FLT3: variants seen among roughly 807,000 people sequenced by gnomAD.
FLT3 encodes receptor-type tyrosine-protein kinase FLT3.
In FLT3, 46 loss-of-function variants were observed where a neutral mutation model predicts 126.6. The observed-to-expected ratio is 0.36, with a 90% CI of 0.29 to 0.46. The LOEUF (loss-of-function observed/expected upper bound fraction) is 0.46, where lower values mean the gene tolerates loss of function less well. FLT3 is among the 20% of genes least tolerant of loss of function. The pLI, the probability that FLT3 is intolerant of heterozygous loss-of-function variation, is 1.00. For missense variants in FLT3, 1,069 were observed against 1,190.3 expected (o/e 0.90, Z 1.50); for synonymous variants, 404 against 434.4 (o/e 0.93, Z 0.87).
intron 1 of FLT3, among the ~76,000 whole-genome samples, chr13:28,090,559 C>T (rs9554250): frequency 0.49 from 74,840 of 151,836 alleles, 19,565 homozygotes; most frequent in East Asian, 0.66. Flanking sequence ...AGGAGGATCA[C>T]TTGAGCTCAG....
At position 28,049,282 on chromosome 13, in the gene FLT3, T is replaced by C. The variant is rs2282311; in HGVS notation, c.1036+102A>G. 4.6e-4 allele frequency: 473 copies of C among 1,038,522 alleles called. 1 individual carries two copies. In the East Asian group the frequency reaches 9.3e-3, roughly 20 times the overall value. The allele number at this position is 1,038,522 out of a possible 1,614,324, so 64.3% of individuals were successfully genotyped here. Reference sequence around the variant, plus strand: ...ACTCAGTTTCTTTCTTAGTGTTTGATAGTAGCATTATATTGAAATCAGAAT... The same window carrying C: ...ACTCAGTTTCTTTCTTAGTGTTTGACAGTAGCATTATATTGAAATCAGAAT... On this transcript the variant is annotated intron_variant, in intron 8 of 23. Coordinates refer to ENST00000241453, the MANE Select transcript of FLT3 (RefSeq NM_004119.3).
chr13:28,049,421 T>A lies in FLT3; in HGVS notation c.999A>T (p.Ser333=). The part of the protein sequence containing the change: ...NDTGYYTCSS[S]KHPSQSALVT... ...CCAAAGCTGATTGACTGGGATGCTT[T>A]GAAGAGGAACAAGTGTAGTATCCGG... The change falls in exon 8 of 24, where the codon TCA becomes TCT. Residue 333 remains serine (S), a synonymous_variant. Coordinates refer to ENST00000241453, the MANE Select transcript of FLT3 (RefSeq NM_004119.3). 1 of 1,614,090 alleles carries A rather than the reference T, an allele frequency of 6.2e-7. No individual in the cohort carries two copies. The highest frequency in any genetic ancestry group is 2.2e-5 in the East Asian group (1 of 44,886).
intron 19 of FLT3, among the ~76,000 whole-genome samples, chr13:28,020,735 G>A (rs1872311925): frequency 6.6e-6 from 1 of 152,068 alleles, no homozygotes; most frequent in Non-Finnish European, 1.5e-5. Flanking sequence ...TATCATAACT[G>A]ACTCTGTATC....
intron 18 of FLT3, among the ~76,000 whole-genome samples, 197 bp from the exon 19 acceptor site, chr13:28,023,674 G>C (rs879862248): frequency 6.6e-6 from 1 of 152,200 alleles, no homozygotes; most frequent in African/African-American, 2.4e-5. Flanking sequence ...TTTGGTTAGA[G>C]ATAAACTTTG....
intron 23 of FLT3, among the ~76,000 whole-genome samples, chr13:28,012,743 TG>T (rs1340341057): frequency 6.6e-6 from 1 of 152,034 alleles, no homozygotes; most frequent in Non-Finnish European, 1.5e-5. Flanking sequence ...GAGAACAGCC[TG>T]GGCAACATAG....
chr13:28,063,435 C>T (rs2137771741), intron 2 of FLT3, among the ~76,000 whole-genome samples: 1 of 152,210 alleles, frequency 6.6e-6, no homozygotes, highest in Admixed American at 6.5e-5. Context: ...AGCCTAGATC[C>T]CGCCAATGCA....
intron 23 of FLT3, among the ~76,000 whole-genome samples, chr13:28,012,424 T>TC (rs1566055649): frequency 1.3e-5 from 2 of 152,088 alleles, no homozygotes; most frequent in Admixed American, 1.3e-4. Flanking sequence ...CACTTTTTTT[T>TC]CCCTCTCTAC....
chr13:28,060,751 C>T (rs886136228), intron 3 of FLT3, among the ~76,000 whole-genome samples: 9 of 151,856 alleles, frequency 5.9e-5, no homozygotes, highest in African/African-American at 1.9e-4. Context: ...ATTACAGGCC[C>T]GCACCACTAT....
At chr13:28,032,541 T>C (rs1873438787) in intron 15 of FLT3, among the ~76,000 whole-genome samples, 1 of 152,036 alleles carries the variant, frequency 6.6e-6, no homozygotes, top group Non-Finnish European at 1.5e-5. Context: ...GCCTGGGAAG[T>C]GGAGGTTGCA....
intron 23 of FLT3, among the ~76,000 whole-genome samples, chr13:28,011,086 C>G (rs376530872): frequency 3.3e-5 from 5 of 151,548 alleles, no homozygotes; most frequent in African/African-American, 1.2e-4. Context: ...CTGAGGTGGG[C>G]GGATCATGAG....
chr13:28,037,826 G>C (rs972640904), intron 9 of FLT3, among the ~76,000 whole-genome samples: 2 of 152,156 alleles, frequency 1.3e-5, no homozygotes, highest in Admixed American at 6.5e-5. Flanking sequence ...GATCAGCAGA[G>C]GGATTAGATT....
At chr13:28,021,226 A>C (rs1872355837) in intron 19 of FLT3, among the ~76,000 whole-genome samples, 1 of 152,094 alleles carries the variant, frequency 6.6e-6, no homozygotes, top group Non-Finnish European at 1.5e-5. Flanking sequence ...TTATCCCTAC[A>C]AAAATACAAA....
intron 1 of FLT3, among the ~76,000 whole-genome samples, chr13:28,072,722 G>A (rs1432839222): frequency 1.3e-5 from 2 of 152,248 alleles, no homozygotes; most frequent in East Asian, 1.9e-4. Context: ...ACAAATATGC[G>A]GCCGGGCGTG....
intron 23 of FLT3, among the ~76,000 whole-genome samples, chr13:28,014,132 C>T (rs1481002708): frequency 6.6e-6 from 1 of 151,952 alleles, no homozygotes; most frequent in Non-Finnish European, 1.5e-5. Context: ...CTTAGCCTGG[C>T]GTGGTGCTGC....
chr13:28,087,806 A>T (rs564956653), intron 1 of FLT3, among the ~76,000 whole-genome samples: 49 of 152,272 alleles, frequency 3.2e-4, no homozygotes, highest in Non-Finnish European at 5.7e-4. Context: ...ATCTGGTACT[A>T]ATTCTCTCCA....
intron 1 of FLT3, among the ~76,000 whole-genome samples, chr13:28,073,801 G>A (rs1877732542): frequency 6.6e-6 from 1 of 151,844 alleles, no homozygotes. Flanking sequence ...TTAGCCAAGT[G>A]TGGTGGCACG....
rs367564787 is a variant in FLT3, at chr13:28,023,205, G to A, written c.2418+145C>T. ...GCTACTACAATTAGCCAAGAGCCAA[G>A]GTAACACGCTAGGTGACTCCAACAG... On this transcript the variant is annotated intron_variant, in intron 19 of 23. Transcript: ENST00000241453. 20 of 788,388 alleles carry A rather than the reference G, an allele frequency of 2.5e-5. No homozygotes were observed. In the East Asian group the frequency reaches 5.4e-4, roughly 21 times the overall value. The allele number at this position is 788,388 out of a possible 1,614,324, so 48.8% of individuals were successfully genotyped here.
At position 28,052,667 on chromosome 13, in the gene FLT3, C is replaced by T. The variant is rs2137741506; in HGVS notation, c.492G>A (p.Leu164=). Residue 164 remains leucine (L), a synonymous_variant, in exon 5 of 24, where the codon CTG becomes CTA. Coordinates refer to ENST00000241453, the MANE Select transcript of FLT3 (RefSeq NM_004119.3). ...AGTAAGGTCTTCTTAATGTGTAAAG[C>T]AGGGTATCTAAAGCATCATAAGTTA... is the stretch of plus-strand genomic sequence containing the variant. The part of the protein sequence containing the change: ...ILFTVSIRNT[L]LYTLRRPYFR... 1 of 1,601,444 alleles carries T rather than the reference C, an allele frequency of 6.2e-7. No individual in the cohort carries two copies. Among genetic ancestry groups the T allele is most frequent in the Non-Finnish European group, 8.6e-7 (1 of 1,169,426 alleles).
At chr13:28,041,156 G>A (rs1449123518) in intron 9 of FLT3, among the ~76,000 whole-genome samples, 1 of 152,172 alleles carries the variant, frequency 6.6e-6, no homozygotes, top group Non-Finnish European at 1.5e-5. Context: ...CCCTAGGGAG[G>A]AGAAGAGGAA....
Sources: allele counts gnomAD v4.1 joint callset (sites outside exome capture counted in the v4.1 genomes callset), GRCh38; gene constraint gnomAD v4.1.1; transcripts MANE v1.5; gene names NCBI Gene and HGNC (gene_info 2026-07-23, HGNC 2026-07-21).